Variants in ST6GAL1 observed in about 807,000 individuals in gnomAD.
ST6GAL1 encodes the protein ST6 beta-galactoside alpha-2,6-sialyltransferase 1, also known as beta-galactoside alpha-2,6-sialyltransferase 1.
In ST6GAL1, 20 loss-of-function variants were observed where a neutral mutation model predicts 38.0. That is an observed-to-expected ratio of 0.53 (90% confidence interval 0.37 to 0.77). The LOEUF (loss-of-function observed/expected upper bound fraction) is 0.77. Ranked by LOEUF, ST6GAL1 falls within the 30% of genes least tolerant of loss-of-function variation. ST6GAL1 has a pLI of 0.00. For missense variants in ST6GAL1, 432 were observed against 496.4 expected, an observed-to-expected ratio of 0.87 and a Z score of 1.23; for synonymous variants, 196 against 188.2, an observed-to-expected ratio of 1.04 and a Z score of -0.34.
At chr3:187,052,097 C>T (rs752729052) in intron 5 of ST6GAL1, among the ~76,000 whole-genome samples, 21 of 152,088 alleles carry the variant, frequency 1.4e-4, no homozygotes, top group Non-Finnish European at 2.4e-4. Flanking sequence ...CCTAGGAGTC[C>T]TGGGCATGGG....
In ST6GAL1 at chr3:187,075,429, C is replaced by T; in HGVS notation, c.980-133C>T. The T allele has an allele frequency of 7.4e-7, 1 of 1,353,988 alleles. No homozygotes were observed. Among genetic ancestry groups the T allele is most frequent in the South Asian group, 1.4e-5 (1 of 71,046 alleles). 83.9% of individuals were successfully genotyped at this position (1,353,988 alleles called of 1,614,324 possible). On this transcript the variant is annotated intron_variant, in intron 7 of 7. Transcript: ENST00000169298. The surrounding 1 kb of genome is among the most constrained non-coding windows in gnomAD (Gnocchi z 4.1). Reference sequence around the variant, plus strand: ...GCTTGCTGAAACTTAGATTGGGAATCACAGTCATAAATAGAAACTCCAGAG... The same window carrying T: ...GCTTGCTGAAACTTAGATTGGGAATTACAGTCATAAATAGAAACTCCAGAG...
At chr3:186,967,646 G>A (rs774837782) in intron 2 of ST6GAL1, among the ~76,000 whole-genome samples, 1 of 152,222 alleles carries the variant, frequency 6.6e-6, no homozygotes, top group African/African-American at 2.4e-5. Flanking sequence ...GCACTGCTAC[G>A]TGGAGGTGGT....
intron 2 of ST6GAL1, among the ~76,000 whole-genome samples, chr3:187,000,768 T>G (rs1180094964): frequency 6.6e-6 from 1 of 152,214 alleles, no homozygotes; most frequent in Non-Finnish European, 1.5e-5. Context: ...TCTTTTCTGT[T>G]TTTCAACTAT....
chr3:187,059,765 A>G (rs1718846416), intron 5 of ST6GAL1, among the ~76,000 whole-genome samples: 3 of 152,366 alleles, frequency 2.0e-5, no homozygotes, highest in South Asian at 4.1e-4. Context: ...ATATTTGCAG[A>G]CATTGGTAGG....
Position 187,060,424 on chromosome 3 carries a change from G to T in ST6GAL1, c.705+9078G>T, listed in dbSNP as rs1379138806. On this transcript the variant is annotated intron_variant, in intron 5 of 7. Coordinates refer to ENST00000169298, the MANE Select transcript of ST6GAL1 (RefSeq NM_173216.2). ...GATCCACCTGCCTCAGCCTCCCAAAGTGCTGGGATTACAGGCGTGAGCCAC... is the reference window on the plus strand; with the variant it reads ...GATCCACCTGCCTCAGCCTCCCAAATTGCTGGGATTACAGGCGTGAGCCAC... Among the ~76,000 whole-genome samples, 3 of 152,140 alleles carry T rather than the reference G, an allele frequency of 2.0e-5. 1 individual carries two copies. Among genetic ancestry groups the T allele is most frequent in the African/African-American group, 7.2e-5 (3 of 41,432 alleles).
chr3:187,055,490 A>T (rs1193728696), intron 5 of ST6GAL1, among the ~76,000 whole-genome samples: 4 of 152,258 alleles, frequency 2.6e-5, no homozygotes, highest in African/African-American at 9.6e-5. Context: ...TGTCCCAGAC[A>T]TTCTGGTATG....
chr3:186,962,701 T>A lies in ST6GAL1; in HGVS notation c.-324-1084T>A, dbSNP rs540532561. ...AGACTGTGTCCAAAGAAAATAATCA[T>A]GGGACTCCCTGGAAGATTTTGTTTC... On this transcript the variant is annotated intron_variant, in intron 1 of 7. Coordinates refer to ENST00000169298, the MANE Select transcript of ST6GAL1 (RefSeq NM_173216.2). 6.2e-4 allele frequency among the ~76,000 whole-genome samples: 94 copies of A among 152,284 alleles called. 1 individual carries two copies. The South Asian group carries it at 0.019, about 31-fold the overall frequency.
chr3:186,968,377 C>T (rs1361270807), intron 2 of ST6GAL1, among the ~76,000 whole-genome samples: 2 of 152,206 alleles, frequency 1.3e-5, no homozygotes, highest in African/African-American at 4.8e-5. Flanking sequence ...GTGTAATTGA[C>T]AGACAAAACC....
At chr3:186,984,710 T>TTTCCTTCCCTTTCTCCCTTCCTTCC (rs1392746210) in intron 2 of ST6GAL1, among the ~76,000 whole-genome samples, 2 of 139,996 alleles carry the variant, frequency 1.4e-5, no homozygotes, top group African/African-American at 2.7e-5. Flanking sequence ...CTCCCCTTTC[T>TTTCCTTCCCTTTCTCCCTTCCTTCC]TTCCTTCCCT....
intron 5 of ST6GAL1, among the ~76,000 whole-genome samples, chr3:187,064,294 G>T (rs752916787): frequency 6.6e-6 from 1 of 152,204 alleles, no homozygotes; most frequent in Non-Finnish European, 1.5e-5. Flanking sequence ...TTGGAGTAAA[G>T]GAGTTGAACT....
chr3:187,018,272 TG>T (rs571253142), intron 2 of ST6GAL1, among the ~76,000 whole-genome samples: 9 of 152,258 alleles, frequency 5.9e-5, no homozygotes, highest in African/African-American at 1.9e-4. Context: ...TAGGGGCTGT[TG>T]GGGGTGGTTT....
At chr3:186,934,835 C>T (rs1407971635) in intron 1 of ST6GAL1, among the ~76,000 whole-genome samples, 1 of 151,736 alleles carries the variant, frequency 6.6e-6, no homozygotes, top group African/African-American at 2.4e-5. Context: ...GGTGCAATCT[C>T]GGCTCACTGC....
rs769852024 is a variant in ST6GAL1 at position 187,075,515 on chromosome 3, G to A, written c.980-47G>A. ...AACCCACTGGGCAGAGCTCTGGGGT[G>A]CTGGGGTGGGTTGTCAGGCATGACT... On this transcript the variant is annotated intron_variant, in intron 7 of 7. Coordinates refer to ENST00000169298, the MANE Select transcript of ST6GAL1 (RefSeq NM_173216.2). The surrounding 1 kb of genome is among the most constrained non-coding windows in gnomAD (Gnocchi z 4.1). The A allele has an allele frequency of 6.2e-7, 1 of 1,603,430 alleles. No homozygotes were observed. Among genetic ancestry groups the A allele is most frequent in the South Asian group, 1.1e-5 (1 of 89,992 alleles).
intron 2 of ST6GAL1, among the ~76,000 whole-genome samples, chr3:187,030,954 G>A (rs1348135752): frequency 2.0e-5 from 3 of 152,180 alleles, no homozygotes; most frequent in Non-Finnish European, 4.4e-5. Context: ...GGGAGTGGCT[G>A]TAGCAATTGA....
intron 1 of ST6GAL1, among the ~76,000 whole-genome samples, chr3:186,959,547 C>T (rs2064580473): frequency 6.6e-6 from 1 of 152,152 alleles, no homozygotes; most frequent in South Asian, 2.1e-4. Flanking sequence ...AATAAAGGAA[C>T]ATTTATGGTG....
At chr3:187,071,776 C>CAAAAAAAAAAAAAAAA (rs11330261) in intron 5 of ST6GAL1, among the ~76,000 whole-genome samples, 1 of 72,324 alleles carries the variant, frequency 1.4e-5, no homozygotes, top group African/African-American at 4.7e-5. Context: ...GACTCCGCCT[C>CAAAAAAAAAAAAAAAA]AAAAAAAAAA....
At chr3:186,946,549 A>T (rs895480893) in intron 1 of ST6GAL1, among the ~76,000 whole-genome samples, 8 of 152,050 alleles carry the variant, frequency 5.3e-5, no homozygotes, top group Admixed American at 4.6e-4. Flanking sequence ...CTGACCCAAA[A>T]CAGCTATTGT....
At chr3:187,048,631 T>C (rs1228141284) in intron 4 of ST6GAL1, among the ~76,000 whole-genome samples, 1 of 152,208 alleles carries the variant, frequency 6.6e-6, no homozygotes, top group Non-Finnish European at 1.5e-5. Flanking sequence ...TGCAGTAGAA[T>C]GTAATATCTC....
chr3:187,061,853 A>G (rs73055064), intron 5 of ST6GAL1, among the ~76,000 whole-genome samples: 15,130 of 152,218 alleles, frequency 0.099, 2,509 homozygotes, highest in African/African-American at 0.34. Flanking sequence ...ATACGTAACA[A>G]AGGAAAAAAT....
Sources: allele counts gnomAD v4.1 joint callset (sites outside exome capture counted in the v4.1 genomes callset), GRCh38; gene constraint gnomAD v4.1.1; non-coding constraint Gnocchi (gnomAD v3.1); transcripts MANE v1.5; gene names NCBI Gene and HGNC (gene_info 2026-07-23, HGNC 2026-07-21).